Variants in SH3GL2 observed in about 807,000 individuals in gnomAD.
SH3GL2 encodes endophilin-A1.
In SH3GL2, 24 loss-of-function variants were observed where a neutral mutation model predicts 46.0. The observed-to-expected ratio is 0.52, with a 90% CI of 0.38 to 0.73. SH3GL2 has a LOEUF of 0.73. Among genes scored for constraint, SH3GL2 ranks in the 30% least tolerant of loss-of-function variants. SH3GL2 has a pLI of 0.00. For missense variants in SH3GL2, 413 were observed against 424.2 expected (o/e 0.97, Z 0.23); for synonymous variants, 196 against 147.1 (o/e 1.33, Z -2.40).
At position 17,731,786 on chromosome 9, in the gene SH3GL2, T is replaced by C. The variant is rs190215110; in HGVS notation, c.46-15280T>C. The stretch of plus-strand genomic sequence containing the variant: ...GCTTTTGCCAGTGTCTTCAGCTTCA[T>C]CTCAAGTGCTCTCTCCCTCCCTCTC... On this transcript the variant is annotated intron_variant, in intron 1 of 8. Coordinates refer to ENST00000380607, the MANE Select transcript of SH3GL2 (RefSeq NM_003026.5). Among the ~76,000 whole-genome samples, 6 of 152,288 alleles carry C rather than the reference T, an allele frequency of 3.9e-5. No homozygotes were observed. The East Asian group carries it at 9.7e-4, about 25-fold the overall frequency.
chr9:17,600,407 C>T (rs1375564096), intron 1 of SH3GL2, among the ~76,000 whole-genome samples: 1 of 152,184 alleles, frequency 6.6e-6, no homozygotes, highest in African/African-American at 2.4e-5. Flanking sequence ...AACCCACCTC[C>T]ACACAAGCCT....
intron 1 of SH3GL2, among the ~76,000 whole-genome samples, chr9:17,740,803 G>A (rs181474546): frequency 6.6e-6 from 1 of 152,112 alleles, no homozygotes; most frequent in Admixed American, 6.6e-5. Context: ...ATTTTTGACA[G>A]TTGACAAAGT....
At chr9:17,661,272 A>G (rs1820206118) in intron 1 of SH3GL2, among the ~76,000 whole-genome samples, 1 of 152,226 alleles carries the variant, frequency 6.6e-6, no homozygotes, top group South Asian at 2.1e-4. Context: ...TGATTTGGAT[A>G]AAGCTATGGG....
chr9:17,734,677 C>T (rs1822276006), intron 1 of SH3GL2, among the ~76,000 whole-genome samples: 1 of 151,960 alleles, frequency 6.6e-6, no homozygotes, highest in Admixed American at 6.6e-5. Flanking sequence ...AAACATAATG[C>T]TATGTGAAAC....
intron 1 of SH3GL2, among the ~76,000 whole-genome samples, chr9:17,689,571 ATC>A (rs1341811357): frequency 6.6e-6 from 1 of 151,824 alleles, no homozygotes; most frequent in Non-Finnish European, 1.5e-5. Context: ...TGGCCCTTTC[ATC>A]TCTCTTTAAT....
At chr9:17,708,565 G>C (rs1045477433) in intron 1 of SH3GL2, among the ~76,000 whole-genome samples, 1 of 151,866 alleles carries the variant, frequency 6.6e-6, no homozygotes, top group Non-Finnish European at 1.5e-5. Context: ...ATACGATTGC[G>C]TTATACTTTA....
At chr9:17,623,039 T>TCCTTC (rs1819188785) in intron 1 of SH3GL2, among the ~76,000 whole-genome samples, 1,374 of 84,036 alleles carry the variant, frequency 0.016, 42 homozygotes, top group Non-Finnish European at 0.025. Flanking sequence ...TCCTTTCCTT[T>TCCTTC]CCTTCCCCTT....
At chr9:17,758,665 T>A (rs1441475614) in intron 2 of SH3GL2, among the ~76,000 whole-genome samples, 1 of 146,178 alleles carries the variant, frequency 6.8e-6, no homozygotes, top group Non-Finnish European at 1.5e-5. Flanking sequence ...TAATTCCTGA[T>A]AATGAAATAA....
At chr9:17,637,207 C>G (rs1819561667) in intron 1 of SH3GL2, among the ~76,000 whole-genome samples, 1 of 152,020 alleles carries the variant, frequency 6.6e-6, no homozygotes, top group East Asian at 1.9e-4. Context: ...TATTTCAGCC[C>G]AAAGTTAAGA....
At position 17,711,947 on chromosome 9, in the gene SH3GL2, C is replaced by G. The variant is rs965788069; in HGVS notation, c.46-35119C>G. On this transcript the variant is annotated intron_variant, in intron 1 of 8. Coordinates refer to ENST00000380607, the MANE Select transcript of SH3GL2 (RefSeq NM_003026.5). ...AGCCAGCAACAGTGTACTAGAGTTT[C>G]TGTTGCTCTACACCCTCACTAATAC... 2.0e-5 allele frequency among the ~76,000 whole-genome samples: 3 copies of G among 151,800 alleles called. No individual in the cohort carries two copies. In the South Asian group the frequency reaches 6.2e-4, roughly 31 times the overall value.
At chr9:17,778,314 C>T (rs1333448085) in intron 3 of SH3GL2, among the ~76,000 whole-genome samples, 1 of 152,072 alleles carries the variant, frequency 6.6e-6, no homozygotes, top group Non-Finnish European at 1.5e-5. Context: ...CAGGCAAAGC[C>T]CCTGCCCTCA....
At chr9:17,775,069 G>A (rs1490041120) in intron 3 of SH3GL2, among the ~76,000 whole-genome samples, 1 of 150,794 alleles carries the variant, frequency 6.6e-6, no homozygotes, top group African/African-American at 2.4e-5. Context: ...TCATTGTTGT[G>A]CAGTTGTTCA....
At chr9:17,701,968 A>G (rs1246389719) in intron 1 of SH3GL2, among the ~76,000 whole-genome samples, 1 of 152,098 alleles carries the variant, frequency 6.6e-6, no homozygotes, top group East Asian at 1.9e-4. Flanking sequence ...ATGGAAAAAT[A>G]GTAAAGTATA....
chr9:17,752,760 G>A (rs1275884930), intron 2 of SH3GL2, among the ~76,000 whole-genome samples: 1 of 152,028 alleles, frequency 6.6e-6, no homozygotes, highest in Non-Finnish European at 1.5e-5. Flanking sequence ...TGTTACATAG[G>A]TAGACACGTG....
At chr9:17,689,376 G>A (rs1467123801) in intron 1 of SH3GL2, among the ~76,000 whole-genome samples, 2 of 151,700 alleles carry the variant, frequency 1.3e-5, no homozygotes, top group African/African-American at 2.4e-5. Flanking sequence ...TAATAAAGAA[G>A]CAAATCTGAA....
intron 8 of SH3GL2, among the ~76,000 whole-genome samples, 162 bp from the exon 9 acceptor site, chr9:17,795,382 A>G (rs933852222): frequency 6.6e-6 from 1 of 152,222 alleles, no homozygotes. Context: ...AGTGCAGTGG[A>G]CACTAAGGTC....
At chr9:17,777,047 T>G (rs1470119328) in intron 3 of SH3GL2, among the ~76,000 whole-genome samples, 1 of 152,194 alleles carries the variant, frequency 6.6e-6, no homozygotes, top group East Asian at 1.9e-4. Context: ...GGGAGACCTT[T>G]GTAGAATGGA....
chr9:17,673,260 C>T (rs1820518669), intron 1 of SH3GL2, among the ~76,000 whole-genome samples: 1 of 151,924 alleles, frequency 6.6e-6, no homozygotes, highest in Non-Finnish European at 1.5e-5. Context: ...GCAATCCTCC[C>T]ACTTCAACCT....
chr9:17,741,861 G>A (rs1169223085), intron 1 of SH3GL2, among the ~76,000 whole-genome samples: 1 of 152,044 alleles, frequency 6.6e-6, no homozygotes, highest in African/African-American at 2.4e-5. Flanking sequence ...TAAGAGTACA[G>A]AGGAAGTCTG....
Sources: gnomAD v4.1 joint callset for allele counts (sites outside exome capture counted in the v4.1 genomes callset) on GRCh38, gnomAD v4.1.1 for gene constraint, MANE v1.5 for transcripts, NCBI Gene and HGNC (gene_info 2026-07-23, HGNC 2026-07-21) for gene names.